INSYN1: variants seen among roughly 807,000 people sequenced by gnomAD.
INSYN1 encodes the protein UPF0583 protein C15orf59.
INSYN1 carries 7 observed loss-of-function variants against 17.1 expected under a neutral mutation model. That is an observed-to-expected ratio of 0.41 (90% CI 0.23 to 0.77). The LOEUF (loss-of-function observed/expected upper bound fraction) is 0.77. Ranked by LOEUF, INSYN1 falls within the 30% of genes least tolerant of loss-of-function variation. INSYN1 has a pLI of 0.32. For missense variants in INSYN1, 339 were observed against 400.6 expected (o/e 0.85, Z 1.31); for synonymous variants, 174 against 166.3 (o/e 1.05, Z -0.36).
chr15:73,746,862 G>T (rs1048404741), intron 2 of INSYN1, among the ~76,000 whole-genome samples: 4 of 152,084 alleles, frequency 2.6e-5, no homozygotes, highest in African/African-American at 9.7e-5. Context: ...CAAGGACAGG[G>T]GCCCTTAACC....
intron 2 of INSYN1, among the ~76,000 whole-genome samples, chr15:73,746,627 G>A (rs1339471945): frequency 1.3e-5 from 2 of 152,188 alleles, no homozygotes; most frequent in Non-Finnish European, 2.9e-5. Context: ...CCAAGGCTGG[G>A]GAAACGTTGT....
chr15:73,740,399 C>A lies in INSYN1; in HGVS notation c.400G>T (p.Gly134Trp). 6.2e-7 allele frequency: 1 copy of A among 1,610,364 alleles called. No individual in the cohort carries two copies. The highest frequency in any genetic ancestry group is 8.5e-7 in the Non-Finnish European group (1 of 1,178,192). ...SVDGPESTRPGAGPDYRLMNG... is the reference protein window; with the variant it reads ...SVDGPESTRPWAGPDYRLMNG... ...ATGAGGCGGTAGTCAGGGCCAGCCCCTGGCCGAGTCGACTCGGGACCATCC... is the reference window on the plus strand; with the variant it reads ...ATGAGGCGGTAGTCAGGGCCAGCCCATGGCCGAGTCGACTCGGGACCATCC... Residue 134 changes from glycine (G) to tryptophan (W), a missense_variant, in exon 3 of 3, where the codon GGG becomes TGG. Transcript: ENST00000569673.
chr15:73,745,656 T>C (rs1280538046), intron 2 of INSYN1, among the ~76,000 whole-genome samples: 4 of 151,946 alleles, frequency 2.6e-5, no homozygotes, highest in South Asian at 4.2e-4. Flanking sequence ...AACACAGCTG[T>C]TGGATGAGTG....
chr15:73,750,203 G>T (rs1222833937), intron 2 of INSYN1, among the ~76,000 whole-genome samples: 1 of 152,212 alleles, frequency 6.6e-6, no homozygotes, highest in African/African-American at 2.4e-5. Context: ...CAGGGCTGAA[G>T]ACATGTGTAC....
intron 2 of INSYN1, among the ~76,000 whole-genome samples, chr15:73,745,810 A>AAAAACAAAACAAAACAAAACAAC (rs1901810812): frequency 6.7e-6 from 1 of 149,804 alleles, no homozygotes; most frequent in African/African-American, 2.5e-5. Context: ...CTCCGTCTCA[A>AAAAACAAAACAAAACAAAACAAC]AAAACAAAAC....
intron 2 of INSYN1, among the ~76,000 whole-genome samples, chr15:73,745,770 C>T (rs1303928893): frequency 3.3e-5 from 5 of 150,988 alleles, no homozygotes; most frequent in East Asian, 1.9e-4. Flanking sequence ...GATCACACCA[C>T]TGCACTCCAG....
chr15:73,742,674 C>T (rs989616732), intron 2 of INSYN1, among the ~76,000 whole-genome samples: 1 of 152,194 alleles, frequency 6.6e-6, no homozygotes, highest in African/African-American at 2.4e-5. Context: ...CCCTACCCTC[C>T]AATCTGGCTA....
chr15:73,741,242 G>A (rs1217590683), intron 2 of INSYN1, among the ~76,000 whole-genome samples: 1 of 152,172 alleles, frequency 6.6e-6, no homozygotes, highest in South Asian at 2.1e-4. Flanking sequence ...GCACTGGCTG[G>A]GTCACCCCAC....
At chr15:73,750,165 AT>A in intron 2 of INSYN1, among the ~76,000 whole-genome samples, 1 of 152,324 alleles carries the variant, frequency 6.6e-6, no homozygotes, top group Middle Eastern at 3.4e-3. Flanking sequence ...CTGGTCATGC[AT>A]TTTGGACTCG....
chr15:73,740,570 T>C lies in INSYN1; in HGVS notation c.229A>G (p.Thr77Ala). Residue 77 changes from threonine (T) to alanine (A), a missense_variant, in exon 3 of 3, where the codon ACT (threonine) becomes GCT (alanine). Physicochemically the swap from Thr to Ala is moderately conservative, Grantham distance 58 (BLOSUM62 0). Transcript: ENST00000569673. ...TCACTGCTAGAGGTGCTGCTCACAG[T>C]GGCCGTGGTCCAGTCGTCCGGCTCC... ...ELEPDDWTTATVSSTSSSDKA... is the reference protein window; with the variant it reads ...ELEPDDWTTAAVSSTSSSDKA... 1 of 1,614,122 alleles carries C rather than the reference T, an allele frequency of 6.2e-7. No homozygotes were observed. Among genetic ancestry groups the C allele is most frequent in the Non-Finnish European group, 8.5e-7 (1 of 1,179,996 alleles).
In INSYN1 at chr15:73,736,305, T is replaced by C. The variant is rs1432165313; in HGVS notation, c.*3612A>G. ...TGTGTTTCAAGTCTGAAGAAGCCAC[T>C]GGGGCCAGGTGCGGTGGCTCACGCC... On this transcript the variant is annotated 3_prime_UTR_variant, in exon 3 of 3. Coordinates refer to ENST00000569673, the MANE Select transcript of INSYN1 (RefSeq NM_001039614.3). The C allele has an allele frequency of 6.6e-6, 1 of 152,340 alleles. No individual in the cohort carries two copies. Among genetic ancestry groups the C allele is most frequent in the Non-Finnish European group, 1.5e-5 (1 of 68,136 alleles). 9.4% of individuals were successfully genotyped at this position (152,340 alleles called of 1,614,324 possible). A position where few individuals can be genotyped will look rare whatever the true frequency, so the allele number is the denominator to read the frequency against.
chr15:73,739,911 C>T lies in INSYN1; in HGVS notation c.*6G>A, dbSNP rs745409490. 248 of 1,481,026 alleles carry T rather than the reference C, an allele frequency of 1.7e-4. 3 individuals carry two copies. The highest frequency in any genetic ancestry group is 8.1e-5 in the South Asian group (7 of 85,966). 91.7% of individuals were successfully genotyped at this position (1,481,026 alleles called of 1,614,324 possible). ...TGCCCACCGCCCCCGGCCCCCTCCC[C>T]GGCCCCTAGTTTTTCCCCCTGGCTT... On this transcript the variant is annotated 3_prime_UTR_variant, in exon 3 of 3. Coordinates refer to ENST00000569673, the MANE Select transcript of INSYN1 (RefSeq NM_001039614.3).
Position 73,740,266 on chromosome 15 carries a change from C to A in INSYN1, c.533G>T (p.Arg178Leu). The part of the protein sequence containing the change: ...GPTVKSQLPQ[R>L]TPGTRERVRF... Reference sequence around the variant, plus strand: ...CACCCTCTCCCGTGTCCCTGGGGTCCGCTGGGGCAGCTGGCTCTTCACCGT... The same window carrying A: ...CACCCTCTCCCGTGTCCCTGGGGTCAGCTGGGGCAGCTGGCTCTTCACCGT... The change falls in exon 3 of 3, where the codon CGG (arginine) becomes CTG (leucine). Residue 178 changes from arginine to leucine, a missense_variant. Transcript: ENST00000569673. The A allele has an allele frequency of 6.2e-7, 1 of 1,613,832 alleles. No homozygotes were observed. The highest frequency in any genetic ancestry group is 1.3e-5 in the African/African-American group (1 of 75,046).
Position 73,740,507 on chromosome 15 carries a change from G to C in INSYN1, c.292C>G (p.Leu98Val). The change falls in exon 3 of 3, where the codon CTG becomes GTG. Residue 98 changes from leucine (L) to valine (V), a missense_variant. Leu to Val is a conservative substitution (Grantham distance 32, BLOSUM62 1). Coordinates refer to ENST00000569673, the MANE Select transcript of INSYN1 (RefSeq NM_001039614.3). ...AGGATATCGGCTGTCATGAAGTCCA[G>C]GTGGCCCAGGTCAAAGGGGCCACCC... ...GMGGPFDLGH[L>V]DFMTADILSD... is the part of the protein sequence containing the mutation. The C allele has an allele frequency of 6.2e-7, 1 of 1,614,022 alleles. No individual in the cohort carries two copies.
chr15:73,744,477 G>C (rs953319638), intron 2 of INSYN1, among the ~76,000 whole-genome samples: 2 of 152,300 alleles, frequency 1.3e-5, no homozygotes, highest in East Asian at 3.9e-4. Flanking sequence ...ATGTGAAAGG[G>C]AAGCCATGTG....
chr15:73,753,004 G>A lies in INSYN1; in HGVS notation c.-1462C>T, dbSNP rs1471390858. 6.7e-6 allele frequency among the ~76,000 whole-genome samples: 1 copy of A among 150,268 alleles called. No homozygotes were observed. Among genetic ancestry groups the A allele is most frequent in the Non-Finnish European group, 1.5e-5 (1 of 67,248 alleles). On this transcript the variant is annotated 5_prime_UTR_variant, in exon 1 of 3. Coordinates refer to ENST00000569673, the MANE Select transcript of INSYN1 (RefSeq NM_001039614.3). This position sits in a 1 kb window ranked among gnomAD's most constrained non-coding sequence, Gnocchi z 4.2. ...GCGAGCGGCGGGCCGGGCCGGGCCG[G>A]GGCGCACTAGGCTCGCAGCCTCCGC...
chr15:73,753,178 C>G lies in INSYN1; in HGVS notation c.-1636G>C, dbSNP rs1902039756. Among the ~76,000 whole-genome samples, 1 of 144,128 alleles carries G rather than the reference C, an allele frequency of 6.9e-6. No homozygotes were observed. Among genetic ancestry groups the G allele is most frequent in the African/African-American group, 2.5e-5 (1 of 40,282 alleles). 94.6% of individuals were successfully genotyped at this position (144,128 alleles called of 152,430 possible). A position where few individuals can be genotyped will look rare whatever the true frequency, so the allele number is the denominator to read the frequency against. On this transcript the variant is annotated 5_prime_UTR_variant, in exon 1 of 3. Coordinates refer to ENST00000569673, the MANE Select transcript of INSYN1 (RefSeq NM_001039614.3). This position sits in a 1 kb window ranked among gnomAD's most constrained non-coding sequence, Gnocchi z 4.2. Reference sequence around the variant, plus strand: ...GCCCTGCCCTGCCCCGCCGGGCTCCCGGGGCCTGGGCCCGCTCCCCAAGCG... The same window carrying G: ...GCCCTGCCCTGCCCCGCCGGGCTCCGGGGGCCTGGGCCCGCTCCCCAAGCG...
Position 73,740,733 on chromosome 15 carries a change from C to T in INSYN1, c.157-91G>A, listed in dbSNP as rs907939995. ...TGTGTCTCCACCCCATCCCTGTAGA[C>T]CCCTGGCTGATGAGCGTACTGGACA... On this transcript the variant is annotated intron_variant, in intron 2 of 2. Coordinates refer to ENST00000569673, the MANE Select transcript of INSYN1 (RefSeq NM_001039614.3). 5.8e-6 allele frequency: 6 copies of T among 1,037,978 alleles called. No individual in the cohort carries two copies. In the African/African-American group the frequency reaches 9.6e-5, roughly 17 times the overall value. The allele number at this position is 1,037,978 out of a possible 1,614,324, so 64.3% of individuals were successfully genotyped here.
Position 73,739,901 on chromosome 15 carries a change from GC to G in INSYN1, c.*15del, listed in dbSNP as rs756040947. ...TAGCTCTATGTGCCCACCGCCCCCG[GC>G]CCCCTCCCCGGCCCCTAGTTTTTCC... On this transcript the variant is annotated 3_prime_UTR_variant, in exon 3 of 3. Transcript: ENST00000569673. The G allele has an allele frequency of 2.4e-6, 3 of 1,227,246 alleles. No homozygotes were observed. The highest frequency in any genetic ancestry group is 1.3e-5 in the South Asian group (1 of 78,032). The allele number at this position is 1,227,246 out of a possible 1,614,324, so 76.0% of individuals were successfully genotyped here. A position where few individuals can be genotyped will look rare whatever the true frequency, so the allele number is the denominator to read the frequency against.
Sources: gnomAD v4.1 joint callset for allele counts (sites outside exome capture counted in the v4.1 genomes callset) on GRCh38, gnomAD v4.1.1 for gene constraint, Gnocchi (gnomAD v3.1) non-coding constraint, MANE v1.5 for transcripts, NCBI Gene and HGNC (gene_info 2026-07-23, HGNC 2026-07-21) for gene names.